Variants in ERI1 observed in about 807,000 individuals in gnomAD.
ERI1 encodes the protein exoribonuclease 1.
ERI1 carries 39 observed loss-of-function variants against 39.7 expected under a neutral mutation model. That is an observed-to-expected ratio of 0.98 (90% CI 0.76 to 1.28). The LOEUF (loss-of-function observed/expected upper bound fraction) is 1.28, where lower values mean the gene tolerates loss of function less well. Ranked by LOEUF, ERI1 falls within the 50% of genes most tolerant of loss-of-function variation. The pLI is 0.00. For missense variants in ERI1, 581 were observed against 416.9 expected, an observed-to-expected ratio of 1.39 and a Z score of -3.43; for synonymous variants, 204 against 149.6, an observed-to-expected ratio of 1.36 and a Z score of -2.65.
intron 3 of ERI1, among the ~76,000 whole-genome samples, chr8:9,062,314 G>A (rs1798726692): frequency 6.6e-6 from 1 of 151,932 alleles, no homozygotes. Flanking sequence ...AGGAGAATGC[G>A]AAGGAGGCTT....
At position 9,009,892 on chromosome 8, in the gene ERI1, A is replaced by G. The variant is rs181229049; in HGVS notation, c.288-1650A>G. ...ACAGTATACCTCAGGAACATGTGAC[A>G]ATGATAGTGAAATGATAGGTTGTAG... On this transcript the variant is annotated intron_variant, in intron 2 of 6. Coordinates refer to ENST00000250263, the MANE Select transcript of ERI1 (RefSeq NM_153332.4). Among the ~76,000 whole-genome samples the G allele has an allele frequency of 2.4e-3, 365 of 152,314 alleles. 1 individual carries two copies. The highest frequency in any genetic ancestry group is 8.6e-3 in the African/African-American group (356 of 41,564).
At chr8:9,068,797 A>C (rs1798962414) in intron 3 of ERI1, among the ~76,000 whole-genome samples, 1 of 152,014 alleles carries the variant, frequency 6.6e-6, no homozygotes, top group African/African-American at 2.4e-5. Flanking sequence ...AGTGATTGGC[A>C]CTGTTTTTAA....
At chr8:9,016,113 C>T (rs897029681) in intron 3 of ERI1, among the ~76,000 whole-genome samples, 1 of 151,968 alleles carries the variant, frequency 6.6e-6, no homozygotes, top group African/African-American at 2.4e-5. Context: ...CTCACTTTAT[C>T]GTAAAATATT....
chr8:9,015,820 A>G (rs1817207999), intron 3 of ERI1, among the ~76,000 whole-genome samples: 2 of 151,910 alleles, frequency 1.3e-5, no homozygotes, highest in South Asian at 2.1e-4. Flanking sequence ...AACTACCTAT[A>G]TATCATACAG....
At position 9,030,506 on chromosome 8, in the gene ERI1, A is replaced by C. The variant is rs1032810705; in HGVS notation, c.*472A>C. 6.2e-6 allele frequency: 1 copy of C among 161,292 alleles called. No homozygotes were observed. Among genetic ancestry groups the C allele is most frequent in the African/African-American group, 2.4e-5 (1 of 41,560 alleles). The allele number at this position is 161,292 out of a possible 1,614,324, so 10.0% of individuals were successfully genotyped here. A position where few individuals can be genotyped will look rare whatever the true frequency, so the allele number is the denominator to read the frequency against. ...AATATCATAGTCCTTTTGATTTTCA[A>C]AGTTTATATGTGAAGTTCACCATGT... On this transcript the variant is annotated 3_prime_UTR_variant, in exon 7 of 7. Coordinates refer to ENST00000250263, the MANE Select transcript of ERI1 (RefSeq NM_153332.4).
chr8:9,056,615 G>A (rs11782835), intron 3 of ERI1, among the ~76,000 whole-genome samples: 33,993 of 150,216 alleles, frequency 0.23, 4,317 homozygotes, highest in Non-Finnish European at 0.3. Context: ...ATAACTTCGC[G>A]AAGGGCTCGG....
chr8:9,029,556 C>A (rs1797437192), intron 6 of ERI1, among the ~76,000 whole-genome samples: 1 of 152,176 alleles, frequency 6.6e-6, no homozygotes, highest in South Asian at 2.1e-4. Context: ...GTCTCATACT[C>A]CTGACCTCAA....
intron 3 of ERI1, among the ~76,000 whole-genome samples, chr8:9,065,576 T>C (rs2117410507): frequency 6.6e-6 from 1 of 151,530 alleles, no homozygotes; most frequent in South Asian, 2.1e-4. Context: ...GCGCCTGTAG[T>C]CCCAGCTACT....
chr8:9,076,498 G>C (rs376423889), intron 3 of ERI1, among the ~76,000 whole-genome samples: 18 of 152,270 alleles, frequency 1.2e-4, no homozygotes, highest in African/African-American at 4.1e-4. Flanking sequence ...AACTCATCTG[G>C]GCCTTGAACT....
rs546553430 is a variant in ERI1 at position 9,085,860 on chromosome 8, G to GT, written n.300-30482dup. On this transcript the variant is annotated intron_variant and non_coding_transcript_variant, in intron 3 of 3. Transcript: ENST00000518663. ...AGGTCTGTGAGACGCAGAACAGCAGGTTTTTTCTAACTTGTTAATGGCAGT... is the reference window on the plus strand; with the variant it reads ...AGGTCTGTGAGACGCAGAACAGCAGGTTTTTTTCTAACTTGTTAATGGCAGT... 2.2e-4 allele frequency among the ~76,000 whole-genome samples: 33 copies of GT among 152,190 alleles called. 1 individual carries two copies. The South Asian group carries it at 6.4e-3, about 30-fold the overall frequency.
chr8:9,079,620 G>A (rs746557453), intron 3 of ERI1, among the ~76,000 whole-genome samples: 9 of 152,192 alleles, frequency 5.9e-5, no homozygotes, highest in Non-Finnish European at 1.2e-4. Context: ...CAGCTGCTGG[G>A]AAGACTCAGC....
At chr8:9,057,451 G>A (rs941627384) in intron 3 of ERI1, among the ~76,000 whole-genome samples, 5 of 152,160 alleles carry the variant, frequency 3.3e-5, no homozygotes, top group African/African-American at 1.2e-4. Context: ...GACCCAGCAC[G>A]TAGCTCACAG....
At chr8:9,015,876 G>A (rs896549729) in intron 3 of ERI1, among the ~76,000 whole-genome samples, 6 of 151,978 alleles carry the variant, frequency 3.9e-5, no homozygotes, top group African/African-American at 1.5e-4. Flanking sequence ...ATTTTTATAT[G>A]AAAATAAAGA....
At chr8:9,099,528 A>G (rs1473787180) in intron 3 of ERI1, among the ~76,000 whole-genome samples, 5 of 151,652 alleles carry the variant, frequency 3.3e-5, no homozygotes, top group Non-Finnish European at 7.4e-5. Context: ...CTGGGAGGTC[A>G]AGGCAGCAGT....
chr8:9,045,280 T>TAAGCTGAG (rs1336252322), intron 3 of ERI1, among the ~76,000 whole-genome samples: 3 of 148,088 alleles, frequency 2.0e-5, no homozygotes, highest in Non-Finnish European at 4.5e-5. Context: ...CGTTCAGCCC[T>TAAGCTGAG]AAGCTGGCTT....
At chr8:9,003,196 T>G in intron 1 of ERI1, 25 bp downstream of exon 1, 1 of 1,226,722 alleles carries the variant, frequency 8.2e-7, no homozygotes, top group East Asian at 3.1e-5. Flanking sequence ...CGCGCCTGGC[T>G]GTTGGCGCCA....
chr8:9,016,615 G>T (rs899000192), intron 4 of ERI1, among the ~76,000 whole-genome samples: 30 of 150,916 alleles, frequency 2.0e-4, no homozygotes, highest in Admixed American at 1.9e-3. Context: ...TTAAGGAGTT[G>T]TAGTGGTGAA....
At chr8:9,096,533 G>A (rs1799881539) in intron 3 of ERI1, among the ~76,000 whole-genome samples, 1 of 152,102 alleles carries the variant, frequency 6.6e-6, no homozygotes, top group African/African-American at 2.4e-5. Context: ...CTGTGAAAGG[G>A]CTCACTGTGA....
intron 3 of ERI1, among the ~76,000 whole-genome samples, chr8:9,064,178 A>AT (rs1270289766): frequency 3.4e-5 from 5 of 145,366 alleles, no homozygotes; most frequent in Admixed American, 6.8e-5. Flanking sequence ...GAAATAAGGG[A>AT]TCGGGGGGTT....
Sources: allele counts gnomAD v4.1 joint callset (sites outside exome capture counted in the v4.1 genomes callset), GRCh38; gene constraint gnomAD v4.1.1; transcripts MANE v1.5; gene names NCBI Gene and HGNC (gene_info 2026-07-23, HGNC 2026-07-21).